SAMD12: variants seen among roughly 807,000 people sequenced by gnomAD.
SAMD12 encodes sterile alpha motif domain containing 12.
SAMD12 carries 9 observed loss-of-function variants against 15.0 expected under a neutral mutation model. The observed-to-expected ratio is 0.60, with a 90% CI of 0.36 to 1.05. SAMD12 has a LOEUF of 1.05. Among genes scored for constraint, SAMD12 ranks in the 50% least tolerant of loss-of-function variants. The pLI, the probability that SAMD12 is intolerant of heterozygous loss-of-function variation, is 0.01. For synonymous variants in SAMD12, 86 were observed against 90.1 expected (o/e 0.96, Z 0.25); for missense variants, 230 against 234.2 (o/e 0.98, Z 0.12).
At chr8:118,410,959 G>A (rs1821380172) in intron 3 of SAMD12, among the ~76,000 whole-genome samples, 1 of 152,144 alleles carries the variant, frequency 6.6e-6, no homozygotes, top group Admixed American at 6.6e-5. Flanking sequence ...TAAAAGATGA[G>A]AAAAACTTGA....
chr8:118,606,610 C>T (rs1368048933), intron 1 of SAMD12, among the ~76,000 whole-genome samples: 1 of 151,972 alleles, frequency 6.6e-6, no homozygotes, highest in Non-Finnish European at 1.5e-5. Context: ...AAAAAAACAT[C>T]CCTGGCCAGG....
intron 4 of SAMD12, among the ~76,000 whole-genome samples, chr8:118,329,756 A>G (rs961839762): frequency 6.6e-6 from 1 of 152,122 alleles, no homozygotes; most frequent in South Asian, 2.1e-4. Flanking sequence ...ACATTTATTC[A>G]TATTGATTCA....
At chr8:118,513,174 T>C (rs1174019044) in intron 2 of SAMD12, among the ~76,000 whole-genome samples, 1 of 152,178 alleles carries the variant, frequency 6.6e-6, no homozygotes, top group African/African-American at 2.4e-5. Flanking sequence ...AGTCATTTGA[T>C]TTTTCTCTTG....
intron 1 of SAMD12, among the ~76,000 whole-genome samples, chr8:118,614,696 C>T (rs1281651398): frequency 6.6e-6 from 1 of 152,184 alleles, no homozygotes; most frequent in Non-Finnish European, 1.5e-5. Flanking sequence ...CAAAACTTGC[C>T]AATAGCCCCA....
chr8:118,389,506 C>A (rs1236265311), intron 3 of SAMD12, among the ~76,000 whole-genome samples: 2 of 152,118 alleles, frequency 1.3e-5, no homozygotes, highest in African/African-American at 4.8e-5. Flanking sequence ...GAGTTCGAGG[C>A]CAGCCTGGCC....
rs533189246 is a variant in SAMD12 at position 118,610,302 on chromosome 8, A to T, written c.13+11502T>A. On this transcript the variant is annotated intron_variant, in intron 1 of 3. Coordinates refer to ENST00000314727, the MANE Select transcript of SAMD12 (RefSeq NM_207506.3). ...GCCCAATTAAGTAATTTTTTGTTTT[A>T]TTATAATGCTGTTTTTCTTAAGTAA... 4.7e-4 allele frequency among the ~76,000 whole-genome samples: 71 copies of T among 152,312 alleles called. No homozygotes were observed. In the South Asian group the frequency reaches 0.014, roughly 31 times the overall value.
the SAMD12 span, among the ~76,000 whole-genome samples, chr8:118,165,997 C>G: frequency 6.6e-6 from 1 of 151,998 alleles, no homozygotes; most frequent in Non-Finnish European, 1.5e-5. Context: ...CAGTTCCGTG[C>G]AATAAATAAT....
At chr8:118,596,372 T>C (rs1827724680) in intron 1 of SAMD12, among the ~76,000 whole-genome samples, 1 of 152,206 alleles carries the variant, frequency 6.6e-6, no homozygotes, top group South Asian at 2.1e-4. Flanking sequence ...ATGCTCCAAG[T>C]AGCAGAGGCA....
intron 2 of SAMD12, among the ~76,000 whole-genome samples, chr8:118,469,743 A>T (rs942661327): frequency 1.3e-5 from 2 of 148,534 alleles, no homozygotes; most frequent in Non-Finnish European, 3.0e-5. Context: ...TTGTATTTTT[A>T]GTAGAGACAG....
intron 1 of SAMD12, among the ~76,000 whole-genome samples, chr8:118,615,781 G>A (rs1241305631): frequency 6.6e-6 from 1 of 152,192 alleles, no homozygotes; most frequent in Non-Finnish European, 1.5e-5. Flanking sequence ...AAAACAGCAA[G>A]GCAGATGAGA....
chr8:118,539,933 A>T (rs1210282774), intron 2 of SAMD12, among the ~76,000 whole-genome samples: 1 of 150,154 alleles, frequency 6.7e-6, no homozygotes, highest in Non-Finnish European at 1.5e-5. Context: ...TGATGCATTT[A>T]TTCAACAAAT....
chr8:118,218,920 T>C (rs2129858660), intron 4 of SAMD12, among the ~76,000 whole-genome samples: 1 of 152,298 alleles, frequency 6.6e-6, no homozygotes, highest in African/African-American at 2.4e-5. Flanking sequence ...AGGCCAAATT[T>C]GAATAATTAC....
At chr8:118,146,075 G>T in the SAMD12 span, among the ~76,000 whole-genome samples, 1 of 152,204 alleles carries the variant, frequency 6.6e-6, no homozygotes, top group Non-Finnish European at 1.5e-5. Flanking sequence ...TAATGACAAG[G>T]TGCCATGGGA....
intron 4 of SAMD12, among the ~76,000 whole-genome samples, chr8:118,248,700 A>C (rs1335202604): frequency 6.6e-6 from 1 of 152,132 alleles, no homozygotes; most frequent in African/African-American, 2.4e-5. Flanking sequence ...GAAGCCAATT[A>C]AAATGCGATC....
chr8:118,554,849 G>C (rs978944446), intron 2 of SAMD12, among the ~76,000 whole-genome samples: 1 of 152,158 alleles, frequency 6.6e-6, no homozygotes, highest in Non-Finnish European at 1.5e-5. Flanking sequence ...TCCTGCCTGA[G>C]TTTCCAGACA....
intron 4 of SAMD12, among the ~76,000 whole-genome samples, chr8:118,222,290 T>C (rs1030081258): frequency 2.6e-5 from 4 of 151,932 alleles, no homozygotes; most frequent in Non-Finnish European, 4.4e-5. Flanking sequence ...AGGACATCCA[T>C]GTGGGCAGGA....
chr8:118,150,261 A>T, the SAMD12 span, among the ~76,000 whole-genome samples: 1 of 152,206 alleles, frequency 6.6e-6, no homozygotes. Context: ...CAAGTATATT[A>T]TATTATTTCA....
chr8:118,447,128 G>C (rs1358247255), intron 2 of SAMD12, among the ~76,000 whole-genome samples: 1 of 151,834 alleles, frequency 6.6e-6, no homozygotes, highest in Non-Finnish European at 1.5e-5. Flanking sequence ...TAATCTATTA[G>C]GGAAACCTGA....
At chr8:118,433,252 T>A (rs762220923) in intron 3 of SAMD12, among the ~76,000 whole-genome samples, 1 of 152,204 alleles carries the variant, frequency 6.6e-6, no homozygotes, top group Non-Finnish European at 1.5e-5. Context: ...TGCTCAGTTG[T>A]GCCAGTGACT....
Sources: gnomAD v4.1 joint callset for allele counts (sites outside exome capture counted in the v4.1 genomes callset) on GRCh38, gnomAD v4.1.1 for gene constraint, MANE v1.5 for transcripts, NCBI Gene and HGNC (gene_info 2026-07-23, HGNC 2026-07-21) for gene names.